Variants in ATXN1 observed in about 807,000 individuals in gnomAD.
ATXN1 encodes the protein ataxin-1.
ATXN1 carries 8 observed loss-of-function variants against 56.4 expected under a neutral mutation model. The ratio of observed to expected loss-of-function variants is 0.14; its 90% confidence interval spans 0.08 to 0.26. The LOEUF is 0.26. Among genes scored for constraint, ATXN1 ranks in the 10% least tolerant of loss-of-function variants. The probability of loss-of-function intolerance (pLI) is 1.00; values close to 1 mark genes in which losing one functional copy is unlikely to be tolerated. For missense variants in ATXN1, 987 were observed against 1,106.5 expected (o/e 0.89, Z 1.53); for synonymous variants, 514 against 494.6 (o/e 1.04, Z -0.52).
intron 6 of ATXN1, among the ~76,000 whole-genome samples, chr6:16,452,797 C>T (rs1759779530): frequency 6.6e-6 from 1 of 152,198 alleles, no homozygotes; most frequent in Admixed American, 6.5e-5. Context: ...GTGCATTTAT[C>T]ACTTTTATCT....
At chr6:16,378,202 C>T (rs1333631496) in intron 6 of ATXN1, among the ~76,000 whole-genome samples, 2 of 152,226 alleles carry the variant, frequency 1.3e-5, no homozygotes, top group Admixed American at 6.5e-5. Context: ...CTAACTCCTA[C>T]CCAGCAACTC....
At chr6:16,323,677 A>G (rs949707447) in intron 7 of ATXN1, among the ~76,000 whole-genome samples, 1 of 152,136 alleles carries the variant, frequency 6.6e-6, no homozygotes, top group Non-Finnish European at 1.5e-5. Flanking sequence ...TCGCATTTCT[A>G]AACAAAACCT....
intron 3 of ATXN1, among the ~76,000 whole-genome samples, chr6:16,587,841 G>C (rs921138975): frequency 3.3e-5 from 5 of 151,474 alleles, no homozygotes; most frequent in African/African-American, 1.2e-4. Flanking sequence ...TGAGGCAGGA[G>C]AATCGCTTGA....
At position 16,597,115 on chromosome 6, in the gene ATXN1, C is replaced by T. The variant is rs111289778; in HGVS notation, c.-488-11208G>A. On this transcript the variant is annotated intron_variant, in intron 3 of 7. Transcript: ENST00000436367. Reference sequence around the variant, plus strand: ...GGTCACCAGCCTGCTCTGGCTCTGCCGCAGCCTCCCAGGGGATTGAGCTCC... The same window carrying T: ...GGTCACCAGCCTGCTCTGGCTCTGCTGCAGCCTCCCAGGGGATTGAGCTCC... 2.2e-3 allele frequency among the ~76,000 whole-genome samples: 335 copies of T among 152,314 alleles called. 2 individuals carry two copies. Among genetic ancestry groups the T allele is most frequent in the Middle Eastern group, 0.01 (3 of 294 alleles).
chr6:16,679,912 G>C (rs1367385522), intron 2 of ATXN1, among the ~76,000 whole-genome samples: 1 of 152,194 alleles, frequency 6.6e-6, no homozygotes, highest in East Asian at 1.9e-4. Flanking sequence ...ATCTCCTATT[G>C]AGTTCATAAT....
chr6:16,729,628 C>T (rs755014391), intron 2 of ATXN1, among the ~76,000 whole-genome samples: 2 of 152,158 alleles, frequency 1.3e-5, no homozygotes, highest in Non-Finnish European at 2.9e-5. Context: ...TGTTGCAATC[C>T]AGCCATCCAA....
chr6:16,404,134 G>A (rs1284937292), intron 6 of ATXN1, among the ~76,000 whole-genome samples: 2 of 152,044 alleles, frequency 1.3e-5, no homozygotes, highest in Admixed American at 6.5e-5. Flanking sequence ...GTGTGCATGC[G>A]GGGCAGGAGG....
intron 6 of ATXN1, among the ~76,000 whole-genome samples, chr6:16,402,680 G>A (rs1045015034): frequency 2.0e-5 from 3 of 152,150 alleles, no homozygotes; most frequent in African/African-American, 7.2e-5. Flanking sequence ...GACCACTCCT[G>A]TTCTCATTTA....
At chr6:16,730,583 G>GA (rs1219308159) in intron 2 of ATXN1, among the ~76,000 whole-genome samples, 1 of 150,232 alleles carries the variant, frequency 6.7e-6, no homozygotes, top group Non-Finnish European at 1.5e-5. Context: ...ACAAAATACA[G>GA]AAAGAATATT....
At position 16,674,097 on chromosome 6, in the gene ATXN1, A is replaced by T. The variant is rs141834926; in HGVS notation, c.-614-16196T>A. ...CATTGCTGCTGGTCTCATTCAAATGAGTCTCCCAAGGATTCAGTCTGTTTG... is the reference window on the plus strand; with the variant it reads ...CATTGCTGCTGGTCTCATTCAAATGTGTCTCCCAAGGATTCAGTCTGTTTG... On this transcript the variant is annotated intron_variant, in intron 2 of 7. Coordinates refer to ENST00000436367, the MANE Select transcript of ATXN1 (RefSeq NM_001128164.2). Among the ~76,000 whole-genome samples the T allele has an allele frequency of 6.2e-3, 939 of 152,198 alleles. 5 individuals are homozygous for T. The highest frequency in any genetic ancestry group is 9.9e-3 in the Non-Finnish European group (675 of 68,020).
chr6:16,345,117 T>C (rs1354059240), intron 6 of ATXN1, among the ~76,000 whole-genome samples: 1 of 152,230 alleles, frequency 6.6e-6, no homozygotes, highest in Non-Finnish European at 1.5e-5. Flanking sequence ...TTCTGGATCA[T>C]TTTCTAGATT....
At chr6:16,321,960 G>A (rs919276838) in intron 7 of ATXN1, among the ~76,000 whole-genome samples, 2 of 152,188 alleles carry the variant, frequency 1.3e-5, no homozygotes, top group South Asian at 2.1e-4. Context: ...CGTGGCTCAC[G>A]CCTATAATCC....
At chr6:16,589,369 C>CA (rs1035580958) in intron 3 of ATXN1, among the ~76,000 whole-genome samples, 55 of 150,240 alleles carry the variant, frequency 3.7e-4, no homozygotes, top group African/African-American at 1.2e-3. Flanking sequence ...TTAACAACAA[C>CA]AAAAAAAAGA....
intron 6 of ATXN1, among the ~76,000 whole-genome samples, chr6:16,377,513 G>T (rs767757691): frequency 1.3e-5 from 2 of 152,168 alleles, no homozygotes; most frequent in Non-Finnish European, 2.9e-5. Context: ...GAGGGTCAGA[G>T]CTGAACAGGC....
rs995236705 is a variant in ATXN1 at position 16,371,570 on chromosome 6, G to T, written c.-160-43100C>A. Among the ~76,000 whole-genome samples the T allele has an allele frequency of 5.3e-5, 8 of 151,374 alleles. No homozygotes were observed. In the South Asian group the frequency reaches 1.7e-3, roughly 32 times the overall value. On this transcript the variant is annotated intron_variant, in intron 6 of 7. Coordinates refer to ENST00000436367, the MANE Select transcript of ATXN1 (RefSeq NM_001128164.2). ...TTGATACAAGTGTTTTCTTTTTTTTGAGCCGAGACAGGGTCTTGCTCTGTT... is the reference window on the plus strand; with the variant it reads ...TTGATACAAGTGTTTTCTTTTTTTTTAGCCGAGACAGGGTCTTGCTCTGTT...
At chr6:16,663,258 C>T (rs1040720870) in intron 2 of ATXN1, among the ~76,000 whole-genome samples, 8 of 152,036 alleles carry the variant, frequency 5.3e-5, no homozygotes, top group Admixed American at 2.6e-4. Flanking sequence ...CAGGAGCCAC[C>T]GTGCCCGGCT....
chr6:16,659,106 G>A (rs772130591), intron 2 of ATXN1, among the ~76,000 whole-genome samples: 3 of 152,218 alleles, frequency 2.0e-5, no homozygotes, highest in Non-Finnish European at 4.4e-5. Context: ...TTGAGGAGGA[G>A]AAAGTGTCTC....
intron 6 of ATXN1, among the ~76,000 whole-genome samples, chr6:16,338,976 A>G (rs1761184937): frequency 6.6e-6 from 1 of 152,226 alleles, no homozygotes; most frequent in South Asian, 2.1e-4. Flanking sequence ...GCTAAACTCA[A>G]GGATGGCATT....
At chr6:16,372,819 G>T (rs979938131) in intron 6 of ATXN1, among the ~76,000 whole-genome samples, 4 of 152,192 alleles carry the variant, frequency 2.6e-5, no homozygotes, top group African/African-American at 9.7e-5. Flanking sequence ...GGGAGGCTGA[G>T]GCAGGAGGAT....
Sources: allele counts gnomAD v4.1 joint callset (sites outside exome capture counted in the v4.1 genomes callset), GRCh38; gene constraint gnomAD v4.1.1; transcripts MANE v1.5; gene names NCBI Gene and HGNC (gene_info 2026-07-23, HGNC 2026-07-21).